PPARGC1A: variants seen among roughly 807,000 people sequenced by gnomAD.
PPARGC1A encodes the protein peroxisome proliferator-activated receptor gamma coactivator 1-alpha.
A neutral mutation model predicts 88.7 loss-of-function variants in PPARGC1A; 25 were observed. The ratio of observed to expected loss-of-function variants is 0.28; its 90% confidence interval spans 0.21 to 0.39. The LOEUF is 0.39. PPARGC1A is among the 10% of genes least tolerant of loss of function. The probability of loss-of-function intolerance (pLI) is 1.00; values close to 1 mark genes in which losing one functional copy is unlikely to be tolerated. For synonymous variants in PPARGC1A, 363 were observed against 355.6 expected, an observed-to-expected ratio of 1.02 and a Z score of -0.24; for missense variants, 880 against 968.7, an observed-to-expected ratio of 0.91 and a Z score of 1.22.
the PPARGC1A span, among the ~76,000 whole-genome samples, chr4:24,230,223 C>T: frequency 0.079 from 11,991 of 152,192 alleles, 680 homozygotes; most frequent in African/African-American, 0.15. Flanking sequence ...TAAACAAGCC[C>T]TGGTATTTGG....
At chr4:23,957,590 G>A in the PPARGC1A span, among the ~76,000 whole-genome samples, 2 of 152,046 alleles carry the variant, frequency 1.3e-5, no homozygotes, top group Non-Finnish European at 2.9e-5. Context: ...TGACTCCAAT[G>A]TTTATTGAGT....
At chr4:23,826,834 A>G (rs1724043225) in intron 5 of PPARGC1A, among the ~76,000 whole-genome samples, 1 of 151,366 alleles carries the variant, frequency 6.6e-6, no homozygotes, top group Admixed American at 6.6e-5. Flanking sequence ...TTAATTCTTC[A>G]TTGTCATGAT....
At chr4:23,856,561 A>C (rs1730225423) in intron 2 of PPARGC1A, among the ~76,000 whole-genome samples, 1 of 152,132 alleles carries the variant, frequency 6.6e-6, no homozygotes, top group East Asian at 1.9e-4. Context: ...AAAATTATGC[A>C]CTAATGATAG....
At chr4:24,427,496 T>C in the PPARGC1A span, among the ~76,000 whole-genome samples, 1 of 152,028 alleles carries the variant, frequency 6.6e-6, no homozygotes, top group Non-Finnish European at 1.5e-5. Flanking sequence ...CCCAGGCTGA[T>C]CTTGAACTCC....
At chr4:23,883,811 C>T (rs1430137389) in intron 2 of PPARGC1A, 1 of 152,152 alleles carries the variant, frequency 6.6e-6, no homozygotes. Flanking sequence ...ATATTTTAAA[C>T]TTGGCTTTCT....
the PPARGC1A span, among the ~76,000 whole-genome samples, chr4:24,155,921 G>A: frequency 2.6e-5 from 4 of 152,156 alleles, no homozygotes. Flanking sequence ...TCTATAATTG[G>A]GGGTGGGTCC....
At chr4:23,860,229 A>T (rs1363888643) in intron 2 of PPARGC1A, among the ~76,000 whole-genome samples, 1 of 150,320 alleles carries the variant, frequency 6.7e-6, no homozygotes, top group East Asian at 2.0e-4. Flanking sequence ...CAATGATCAC[A>T]TCACTGCACC....
chr4:24,115,501 C>T, the PPARGC1A span, among the ~76,000 whole-genome samples: 2 of 152,132 alleles, frequency 1.3e-5, no homozygotes, highest in African/African-American at 4.8e-5. Context: ...ACAGACATCT[C>T]AATTTCAATC....
the PPARGC1A span, among the ~76,000 whole-genome samples, chr4:24,122,106 G>C: frequency 2.6e-5 from 4 of 152,154 alleles, no homozygotes; most frequent in Non-Finnish European, 4.4e-5. Context: ...CGGTGTGACA[G>C]TGTGCTTAGA....
the PPARGC1A span, among the ~76,000 whole-genome samples, chr4:24,013,851 A>G: frequency 6.6e-6 from 1 of 152,318 alleles, no homozygotes; most frequent in African/African-American, 2.4e-5. Flanking sequence ...ATTACCCCCA[A>G]ATAAGTTCTT....
chr4:24,099,871 T>C, the PPARGC1A span, among the ~76,000 whole-genome samples: 1 of 148,206 alleles, frequency 6.7e-6, no homozygotes, highest in Non-Finnish European at 1.5e-5. Context: ...GCTGCGTTAC[T>C]CAAAGAGGTA....
At chr4:24,354,456 C>T in the PPARGC1A span, among the ~76,000 whole-genome samples, 1 of 152,220 alleles carries the variant, frequency 6.6e-6, no homozygotes, top group Non-Finnish European at 1.5e-5. Flanking sequence ...CACCAATTTA[C>T]ACCCAGAATG....
At chr4:24,144,645 C>A in the PPARGC1A span, among the ~76,000 whole-genome samples, 26 of 152,138 alleles carry the variant, frequency 1.7e-4, no homozygotes, top group South Asian at 5.4e-3. Context: ...AGGGAGCCAC[C>A]GAGAAAGGAC....
the PPARGC1A span, among the ~76,000 whole-genome samples, chr4:24,327,987 C>CT: frequency 6.6e-6 from 1 of 152,202 alleles, no homozygotes; most frequent in East Asian, 1.9e-4. Context: ...GGCTCAGAAG[C>CT]TCCCCCACTG....
chr4:24,465,595 C>T, the PPARGC1A span, among the ~76,000 whole-genome samples: 1 of 152,194 alleles, frequency 6.6e-6, no homozygotes, highest in African/African-American at 2.4e-5. Context: ...CATTCCAATG[C>T]AAGCCTTGCA....
chr4:24,021,783 G>C, the PPARGC1A span, among the ~76,000 whole-genome samples: 1 of 152,164 alleles, frequency 6.6e-6, no homozygotes, highest in Admixed American at 6.5e-5. Flanking sequence ...TCAGCACAGT[G>C]CCTGACAGTA....
chr4:24,139,612 T>C, the PPARGC1A span, among the ~76,000 whole-genome samples: 43 of 152,302 alleles, frequency 2.8e-4, 1 homozygote, highest in South Asian at 7.0e-3. Flanking sequence ...AATCTCAACA[T>C]GAAGATCATT....
chr4:23,943,302 G>C, the PPARGC1A span, among the ~76,000 whole-genome samples: 1 of 151,246 alleles, frequency 6.6e-6, no homozygotes, highest in African/African-American at 2.4e-5. Flanking sequence ...ACAGTCCTTT[G>C]GTTTAATAAA....
chr4:24,257,975 T>C, the PPARGC1A span, among the ~76,000 whole-genome samples: 1 of 152,244 alleles, frequency 6.6e-6, no homozygotes, highest in African/African-American at 2.4e-5. Flanking sequence ...GTAAGCATTG[T>C]TTGAATTTAT....
Sources: gnomAD v4.1 joint callset for allele counts (sites outside exome capture counted in the v4.1 genomes callset) on GRCh38, gnomAD v4.1.1 for gene constraint, MANE v1.5 for transcripts, NCBI Gene and HGNC (gene_info 2026-07-23, HGNC 2026-07-21) for gene names.